The following SRPK2 variants were observed in gnomAD, a reference collection of about 807,000 sequenced individuals.
SRPK2 encodes SFRS protein kinase 2.
In SRPK2, 21 loss-of-function variants were observed where a neutral mutation model predicts 90.8. The ratio of observed to expected loss-of-function variants is 0.23; its 90% CI spans 0.16 to 0.33. The LOEUF is 0.33. SRPK2 is among the 10% of genes least tolerant of loss of function. SRPK2 has a pLI of 1.00. For missense variants in SRPK2, 620 were observed against 869.0 expected (o/e 0.71, Z 3.60); for synonymous variants, 288 against 311.1 (o/e 0.93, Z 0.78).
At chr7:105,286,640 T>C (rs1471929443) in intron 2 of SRPK2, among the ~76,000 whole-genome samples, 1 of 152,200 alleles carries the variant, frequency 6.6e-6, no homozygotes, top group African/African-American at 2.4e-5. Context: ...CCATAAGCAA[T>C]TCTGATGCAC....
Position 105,176,749 on chromosome 7 carries a change from ATGTGTG to A in SRPK2, c.230-7490_230-7485del, listed in dbSNP as rs10607750. Among the ~76,000 whole-genome samples the A allele has an allele frequency of 1.1e-3, 152 of 144,408 alleles. 2 individuals are homozygous for A. Among genetic ancestry groups the A allele is most frequent in the Admixed American group, 3.8e-3 (55 of 14,454 alleles). The allele number at this position is 144,408 out of a possible 152,430, so 94.7% of individuals were successfully genotyped here. On this transcript the variant is annotated intron_variant, in intron 3 of 15. Coordinates refer to ENST00000393651, the MANE Select transcript of SRPK2 (RefSeq NM_182692.3). ...TGTATGTATGTATGTATGTGTGTATATGTGTGTGTGTGTGTGTGTGTGTGTATATAT... is the reference window on the plus strand; with the variant it reads ...TGTATGTATGTATGTATGTGTGTATATGTGTGTGTGTGTGTGTGTATATAT...
At chr7:105,267,972 C>T (rs144699356) in intron 2 of SRPK2, among the ~76,000 whole-genome samples, 2 of 152,144 alleles carry the variant, frequency 1.3e-5, no homozygotes, top group African/African-American at 4.8e-5. Context: ...ACTGTATGCC[C>T]AGGAATCTCA....
At chr7:105,168,268 T>G (rs1790343886) in intron 4 of SRPK2, among the ~76,000 whole-genome samples, 173 bp from the exon 5 acceptor site, 1 of 152,232 alleles carries the variant, frequency 6.6e-6, no homozygotes, top group Admixed American at 6.5e-5. Flanking sequence ...CACCTCTGAC[T>G]GCAATCAAAA....
intron 2 of SRPK2, among the ~76,000 whole-genome samples, chr7:105,244,270 T>C (rs1004819845): frequency 1.3e-5 from 2 of 152,084 alleles, no homozygotes; most frequent in African/African-American, 4.8e-5. Context: ...GTCCAATATT[T>C]CCTATTAAAA....
chr7:105,293,381 T>G (rs1809326027), intron 2 of SRPK2, among the ~76,000 whole-genome samples: 1 of 152,234 alleles, frequency 6.6e-6, no homozygotes, highest in South Asian at 2.1e-4. Context: ...ACTCTAGAAT[T>G]TGGCAAGATG....
intron 2 of SRPK2, among the ~76,000 whole-genome samples, chr7:105,240,368 A>G (rs961993443): frequency 1.2e-4 from 18 of 152,206 alleles, no homozygotes; most frequent in African/African-American, 4.1e-4. Context: ...ACATATTCAG[A>G]CCATAGCATG....
At chr7:105,296,065 T>C (rs1809773444) in intron 2 of SRPK2, among the ~76,000 whole-genome samples, 1 of 140,884 alleles carries the variant, frequency 7.1e-6, no homozygotes, top group Non-Finnish European at 1.6e-5. Flanking sequence ...GCTTAAAATA[T>C]GGACCTTATT....
chr7:105,333,497 C>T (rs918895633), intron 2 of SRPK2, among the ~76,000 whole-genome samples: 1 of 152,128 alleles, frequency 6.6e-6, no homozygotes, highest in African/African-American at 2.4e-5. Context: ...TCAAACAATA[C>T]ATTACAGAAC....
At chr7:105,389,214 C>T (rs1217537992), upstream of SRPK2, 6 of 1,192,058 alleles carry the variant, frequency 5.0e-6, no homozygotes, top group East Asian at 9.7e-5. Context: ...CGGGACCCTC[C>T]CTCCCCGCCG....
At chr7:105,268,359 T>C (rs568258035) in intron 2 of SRPK2, among the ~76,000 whole-genome samples, 123 of 152,312 alleles carry the variant, frequency 8.1e-4, no homozygotes, top group Middle Eastern at 6.8e-3. Flanking sequence ...CCTTACCATA[T>C]AAGAATAAAT....
intron 2 of SRPK2, among the ~76,000 whole-genome samples, 168 bp downstream of exon 2, chr7:105,388,463 GCGCCCCTCCCCCGCCGC>G (rs1302938605): frequency 6.8e-6 from 1 of 146,782 alleles, no homozygotes; most frequent in African/African-American, 2.5e-5. Context: ...CGCGGCCCGC[GCGCCCCTCCCCCGCCGC>G]CGCCCCTCCC....
intron 2 of SRPK2, among the ~76,000 whole-genome samples, chr7:105,386,609 C>G (rs1158025254): frequency 1.3e-5 from 2 of 152,026 alleles, no homozygotes; most frequent in Non-Finnish European, 2.9e-5. Flanking sequence ...CCCAGCTACT[C>G]AGGAGGCTGA....
At position 105,203,779 on chromosome 7, in the gene SRPK2, C is replaced by T. The variant is rs1795859527; in HGVS notation, c.78G>A (p.Glu26=). Residue 26 remains glutamate, a synonymous_variant, in exon 3 of 16, where the codon GAG becomes GAA. Transcript: ENST00000393651. ...PKREKHPKKP[E]PQQKAPLVPP... is the part of the protein sequence containing the mutation. ...GAACTAAAGGAGCTTTCTGTTGAGG[C>T]TCCGGCCTGAAAGAGCAGAGAGAAA... 6.3e-7 allele frequency: 1 copy of T among 1,583,228 alleles called. No individual in the cohort carries two copies. Among genetic ancestry groups the T allele is most frequent in the Admixed American group, 1.8e-5 (1 of 54,442 alleles).
rs376513943 is a variant in SRPK2, at chr7:105,164,810, T to C, written c.514+2567A>G. On this transcript the variant is annotated intron_variant, in intron 6 of 15. Coordinates refer to ENST00000393651, the MANE Select transcript of SRPK2 (RefSeq NM_182692.3). ...TAAATCTGGGAAAAAGCCTTATCCT[T>C]AGGCTTCTGACATTTGTGAAAGTAA... Among the ~76,000 whole-genome samples, 22 of 152,320 alleles carry C rather than the reference T, an allele frequency of 1.4e-4. 1 individual carries two copies. In the South Asian group the frequency reaches 3.9e-3, roughly 27 times the overall value.
rs1801876876 is a variant in SRPK2, at chr7:105,247,563, GAA to G, written c.72-43780_72-43779del. The stretch of plus-strand genomic sequence containing the variant: ...ACACACACACACACACACACACACA[GAA>G]GTTATACCTTTTCTTGGTTTTTAAT... On this transcript the variant is annotated intron_variant, in intron 2 of 15. Transcript: ENST00000393651. 1.6e-4 allele frequency among the ~76,000 whole-genome samples: 9 copies of G among 57,540 alleles called. No homozygotes were observed. In the South Asian group the frequency reaches 5.1e-3, roughly 32 times the overall value. 37.7% of individuals were successfully genotyped at this position (57,540 alleles called of 152,430 possible).
intron 15 of SRPK2, among the ~76,000 whole-genome samples, chr7:105,123,030 A>T (rs941062186): frequency 1.7e-4 from 26 of 152,092 alleles, no homozygotes; most frequent in Non-Finnish European, 3.4e-4. Context: ...TCCTACCATG[A>T]TCTGAGGGCT....
chr7:105,256,331 G>A (rs1803303765), intron 2 of SRPK2, among the ~76,000 whole-genome samples: 2 of 152,064 alleles, frequency 1.3e-5, no homozygotes, highest in Non-Finnish European at 2.9e-5. Context: ...TTTCTAACTT[G>A]CACCATTATG....
At chr7:105,351,817 A>AAG (rs1563273948) in intron 2 of SRPK2, among the ~76,000 whole-genome samples, 3 of 147,332 alleles carry the variant, frequency 2.0e-5, no homozygotes, top group Non-Finnish European at 2.9e-5. Flanking sequence ...AAAAAAAAAA[A>AAG]AAGAAGAAGA....
At chr7:105,304,500 A>C (rs532178887) in intron 2 of SRPK2, 1 of 152,352 alleles carries the variant, frequency 6.6e-6, no homozygotes, top group East Asian at 1.9e-4. Flanking sequence ...GTATTTATAA[A>C]TAAGTCTCAG....
Sources: allele counts gnomAD v4.1 joint callset (sites outside exome capture counted in the v4.1 genomes callset), GRCh38; gene constraint gnomAD v4.1.1; transcripts MANE v1.5; gene names NCBI Gene and HGNC (gene_info 2026-07-23, HGNC 2026-07-21).